Variants in SLC13A1 observed in about 807,000 individuals in gnomAD.
SLC13A1 encodes solute carrier family 13 member 1.
A neutral mutation model predicts 70.0 loss-of-function variants in SLC13A1; 65 were observed. The ratio of observed to expected loss-of-function variants is 0.93; its 90% CI spans 0.76 to 1.14. The LOEUF (loss-of-function observed/expected upper bound fraction) is 1.14, where lower values mean the gene tolerates loss of function less well. Ranked by LOEUF, SLC13A1 falls within the 50% of genes most tolerant of loss-of-function variation. SLC13A1 has a pLI of 0.00. For synonymous variants in SLC13A1, 275 were observed against 250.5 expected, an observed-to-expected ratio of 1.10 and a Z score of -0.92; for missense variants, 726 against 717.8, an observed-to-expected ratio of 1.01 and a Z score of -0.13.
At chr7:123,193,098 G>C (rs1187965970) in intron 1 of SLC13A1, among the ~76,000 whole-genome samples, 1 of 152,040 alleles carries the variant, frequency 6.6e-6, no homozygotes, top group African/African-American at 2.4e-5. Context: ...GAAATAATCA[G>C]TTCTCCAACC....
At chr7:123,160,474 A>C (rs1243466853) in intron 6 of SLC13A1, among the ~76,000 whole-genome samples, 1 of 152,122 alleles carries the variant, frequency 6.6e-6, no homozygotes, top group Non-Finnish European at 1.5e-5. Context: ...TATCAGAAGA[A>C]ATAGAATACC....
At chr7:123,123,053 A>C (rs1793438976) in intron 12 of SLC13A1, 73 bp downstream of exon 12, 1 of 1,204,542 alleles carries the variant, frequency 8.3e-7, no homozygotes, top group African/African-American at 1.5e-5. Flanking sequence ...ATATGCCCAA[A>C]GATTGAATGT....
At chr7:123,116,606 T>A (rs1793188869) in intron 14 of SLC13A1, among the ~76,000 whole-genome samples, 1 of 152,214 alleles carries the variant, frequency 6.6e-6, no homozygotes, top group Non-Finnish European at 1.5e-5. Context: ...GTTTTTATCC[T>A]TTTTAATACA....
chr7:123,139,036 T>A (rs754871400), intron 7 of SLC13A1, among the ~76,000 whole-genome samples: 16 of 152,122 alleles, frequency 1.1e-4, no homozygotes, highest in Non-Finnish European at 2.2e-4. Context: ...CTTGTAGTAG[T>A]TTCATAGTTT....
At chr7:123,164,036 A>G (rs765161932) in intron 6 of SLC13A1, among the ~76,000 whole-genome samples, 2 of 152,060 alleles carry the variant, frequency 1.3e-5, no homozygotes, top group Non-Finnish European at 2.9e-5. Context: ...AATGAACAAA[A>G]TAAATAAAAA....
intron 6 of SLC13A1, among the ~76,000 whole-genome samples, chr7:123,166,628 A>C (rs1352289955): frequency 6.6e-6 from 1 of 151,958 alleles, no homozygotes; most frequent in African/African-American, 2.4e-5. Context: ...CCCATCTATG[A>C]GTGAGAACAT....
chr7:123,118,364 A>T (rs1484434111), intron 13 of SLC13A1, among the ~76,000 whole-genome samples: 1 of 152,186 alleles, frequency 6.6e-6, no homozygotes, highest in African/African-American at 2.4e-5. Context: ...TTCTACTTTC[A>T]ATCAGCAGCT....
At chr7:123,170,580 C>T (rs1226643571) in intron 3 of SLC13A1, among the ~76,000 whole-genome samples, 1 of 152,032 alleles carries the variant, frequency 6.6e-6, no homozygotes, top group Non-Finnish European at 1.5e-5. Context: ...AGGCATGGAG[C>T]CCCACTTCAT....
intron 1 of SLC13A1, among the ~76,000 whole-genome samples, chr7:123,196,796 T>C (rs140247481): frequency 2.6e-5 from 4 of 152,248 alleles, no homozygotes; most frequent in African/African-American, 9.6e-5. Context: ...CCTGTGTTGT[T>C]GACAAATGAT....
At chr7:123,166,334 C>T (rs1795074028) in intron 6 of SLC13A1, among the ~76,000 whole-genome samples, 1 of 151,974 alleles carries the variant, frequency 6.6e-6, no homozygotes, top group South Asian at 2.1e-4. Context: ...TTACTGAATG[C>T]ATGTATATTC....
At chr7:123,165,102 G>C (rs1585360731) in intron 6 of SLC13A1, among the ~76,000 whole-genome samples, 1 of 151,758 alleles carries the variant, frequency 6.6e-6, no homozygotes, top group Non-Finnish European at 1.5e-5. Flanking sequence ...ATCTATCAAA[G>C]AACAGCTGCA....
At chr7:123,188,554 T>C (rs1338276473) in intron 1 of SLC13A1, among the ~76,000 whole-genome samples, 4 of 152,206 alleles carry the variant, frequency 2.6e-5, no homozygotes, top group Admixed American at 2.6e-4. Context: ...TTGAACATAA[T>C]TGTTTCTCTT....
chr7:123,147,286 G>A lies in SLC13A1; in HGVS notation c.685C>T (p.Arg229Ter), dbSNP rs1794392521. ...EKNSGMRTKY[R>*]TKKGHVTRKL... ...CGTGTCACGTGGCCCTTCTTTGTTC[G>A]ATATTTGGTTCTCATGCCTGAGTTC... The change falls in exon 7 of 15, where the codon CGA becomes TGA. Residue 229 changes from arginine to a stop codon, truncating the protein, a stop_gained. Transcript: ENST00000194130. LOFTEE classifies it high-confidence loss of function. The A allele has an allele frequency of 1.2e-6, 2 of 1,613,424 alleles. No homozygotes were observed. The highest frequency in any genetic ancestry group is 1.1e-5 in the South Asian group (1 of 91,020).
chr7:123,179,630 GCCCTTCCCAGGCA>G (rs1795571019), intron 2 of SLC13A1, among the ~76,000 whole-genome samples: 1 of 152,076 alleles, frequency 6.6e-6, no homozygotes. Context: ...TACAAAGCCA[GCCCTTCCCAGGCA>G]CCCTTCCCTC....
intron 7 of SLC13A1, among the ~76,000 whole-genome samples, chr7:123,135,727 A>G (rs1793929181): frequency 6.6e-6 from 1 of 152,118 alleles, no homozygotes. Context: ...CTAGATTTCT[A>G]AGGTTTTCTA....
At chr7:123,179,454 G>C (rs548742614) in intron 2 of SLC13A1, among the ~76,000 whole-genome samples, 1 of 152,286 alleles carries the variant, frequency 6.6e-6, no homozygotes, top group Non-Finnish European at 1.5e-5. Flanking sequence ...TCCCTTTCAA[G>C]TCTAAGATTC....
chr7:123,167,740 G>C (rs927218103), intron 6 of SLC13A1, among the ~76,000 whole-genome samples: 2 of 151,924 alleles, frequency 1.3e-5, no homozygotes, highest in African/African-American at 2.4e-5. Context: ...ACCTGTATTT[G>C]ACAGAAGCAA....
intron 7 of SLC13A1, among the ~76,000 whole-genome samples, chr7:123,137,196 C>CTG (rs1491085063): frequency 1.3e-5 from 2 of 151,930 alleles, no homozygotes; most frequent in Admixed American, 6.6e-5. Flanking sequence ...AGAGTGGAAA[C>CTG]TGTGTGATGT....
chr7:123,147,369 A>G (rs1794397618), intron 6 of SLC13A1, 59 bp from the exon 7 acceptor site: 34 of 1,572,550 alleles, frequency 2.2e-5, no homozygotes, highest in Non-Finnish European at 2.5e-5. Flanking sequence ...TATGGACTGA[A>G]TATTTGTGTC....
Sources: gnomAD v4.1 joint callset for allele counts (sites outside exome capture counted in the v4.1 genomes callset) on GRCh38, gnomAD v4.1.1 for gene constraint, MANE v1.5 for transcripts, NCBI Gene and HGNC (gene_info 2026-07-23, HGNC 2026-07-21) for gene names.